CCNH: variants seen among roughly 807,000 people sequenced by gnomAD.
The protein encoded by CCNH is cyclin H, also known as cyclin-H.
A neutral mutation model predicts 41.9 loss-of-function variants in CCNH; 31 were observed. That is an observed-to-expected ratio of 0.74 (90% CI 0.56 to 1.00). The LOEUF (loss-of-function observed/expected upper bound fraction) is 1.00. CCNH is among the 50% of genes least tolerant of loss of function. CCNH has a pLI of 0.00. For synonymous variants in CCNH, 138 were observed against 136.1 expected, an observed-to-expected ratio of 1.01 and a Z score of -0.10; for missense variants, 362 against 388.4, an observed-to-expected ratio of 0.93 and a Z score of 0.57.
At chr5:87,376,965 C>T in exon 1 of CCNH, 1 of 1,612,328 alleles carries the variant, frequency 6.2e-7, no homozygotes. Flanking sequence ...CAGCATCCTA[C>T]TGAGGATTTT....
intron 9 of CCNH, among the ~76,000 whole-genome samples, chr5:87,346,087 A>G (rs749387572): frequency 6.6e-6 from 1 of 152,108 alleles, no homozygotes; most frequent in African/African-American, 2.4e-5. Context: ...AGAATACAGA[A>G]TATAAAATAC....
At position 87,319,490 on chromosome 5, in the gene CCNH, A is replaced by T. The variant is rs1300337484; in HGVS notation, c.*91-593T>A. On this transcript the variant is annotated intron_variant and NMD_transcript_variant, in intron 9 of 9. Coordinates refer to the CCNH transcript ENST00000645953. ...TTGCCTTTTGTGCACCCACAGACCC[A>T]ACACCATGTGGAATCCACCAAGGCT... 5.9e-5 allele frequency among the ~76,000 whole-genome samples: 9 copies of T among 152,028 alleles called. No individual in the cohort carries two copies. The East Asian group carries it at 1.5e-3, about 26-fold the overall frequency.
chr5:87,395,332 T>C (rs116240460), intron 7 of CCNH, among the ~76,000 whole-genome samples: 5 of 152,302 alleles, frequency 3.3e-5, no homozygotes, highest in Non-Finnish European at 5.9e-5. Flanking sequence ...TTTCATGGAA[T>C]TGTCAAATCT....
At chr5:87,409,925 C>T (rs1275227427) in intron 2 of CCNH, among the ~76,000 whole-genome samples, 2 of 152,122 alleles carry the variant, frequency 1.3e-5, no homozygotes, top group Admixed American at 1.3e-4. Flanking sequence ...CTGTGCTAAA[C>T]ACGAAACTAT....
At chr5:87,323,916 C>G (rs1439685500) in intron 9 of CCNH, among the ~76,000 whole-genome samples, 1 of 152,162 alleles carries the variant, frequency 6.6e-6, no homozygotes, top group Non-Finnish European at 1.5e-5. Context: ...CTCCTACTTA[C>G]TATACCAGAT....
chr5:87,383,809 T>A, intron 9 of CCNH: 1 of 1,565,592 alleles, frequency 6.4e-7, no homozygotes, highest in East Asian at 2.2e-5. Context: ...ATTTTGAAAT[T>A]CAAAATATTA....
downstream of CCNH, among the ~76,000 whole-genome samples, chr5:87,390,039 A>T (rs1399034234): frequency 6.6e-6 from 1 of 152,180 alleles, no homozygotes; most frequent in Non-Finnish European, 1.5e-5. Context: ...ATGCAAGTGA[A>T]CCATGGCCTA....
At chr5:87,328,152 T>G (rs564271574) in intron 9 of CCNH, among the ~76,000 whole-genome samples, 2 of 152,358 alleles carry the variant, frequency 1.3e-5, no homozygotes, top group East Asian at 3.9e-4. Context: ...TATTGCTATG[T>G]GCCAGGTATA....
At chr5:87,380,165 ACT>A (rs1410675705), upstream of CCNH, among the ~76,000 whole-genome samples, 6 of 152,010 alleles carry the variant, frequency 3.9e-5, no homozygotes, top group African/African-American at 1.4e-4. Flanking sequence ...TAGACTAATC[ACT>A]CTGTTAATAT....
chr5:87,321,061 A>G (rs1248179978), intron 9 of CCNH, among the ~76,000 whole-genome samples: 1 of 152,144 alleles, frequency 6.6e-6, no homozygotes. Flanking sequence ...CCTATTAGGG[A>G]GATAAATCTT....
intron 9 of CCNH, among the ~76,000 whole-genome samples, chr5:87,367,212 C>T (rs1164328354): frequency 2.6e-5 from 4 of 152,002 alleles, no homozygotes; most frequent in Admixed American, 2.0e-4. Flanking sequence ...GACATCTGTA[C>T]CATATAATAG....
intron 9 of CCNH, among the ~76,000 whole-genome samples, chr5:87,325,236 TG>T (rs1757144969): frequency 6.6e-6 from 1 of 152,128 alleles, no homozygotes; most frequent in Non-Finnish European, 1.5e-5. Context: ...AACAGCAGCA[TG>T]GGGGTAACTG....
chr5:87,380,846 T>A (rs1328998322), upstream of CCNH, among the ~76,000 whole-genome samples: 1 of 152,158 alleles, frequency 6.6e-6, no homozygotes, highest in Non-Finnish European at 1.5e-5. Context: ...CCTTACAAGA[T>A]GAGGCTAAAA....
At chr5:87,369,835 G>C in intron 9 of CCNH, 2 of 1,611,736 alleles carry the variant, frequency 1.2e-6, no homozygotes, top group Non-Finnish European at 1.7e-6. Flanking sequence ...TCAGATAGTA[G>C]TTCAGCACTT....
downstream of CCNH, chr5:87,374,142 T>C (rs1580380103): frequency 2.2e-6 from 3 of 1,395,150 alleles, no homozygotes; most frequent in East Asian, 2.7e-5. Context: ...AATATATATA[T>C]ATATATTTTT....
At chr5:87,376,797 T>A (rs1761357090) in exon 1 of CCNH, 3 of 1,391,868 alleles carry the variant, frequency 2.2e-6, no homozygotes, top group Admixed American at 1.8e-5. Flanking sequence ...TAAGAACTTG[T>A]GAAAGAACAT....
rs1204340475 is a variant in CCNH at position 87,376,941 on chromosome 5, C to T, written n.240G>A. 1.9e-6 allele frequency: 3 copies of T among 1,610,722 alleles called. No homozygotes were observed. Among genetic ancestry groups the T allele is most frequent in the Non-Finnish European group, 1.7e-6 (2 of 1,177,098 alleles). ...TTTATCACATGTATGTGGACAAGAC[C>T]GAACACTACTGGCCAGCATCCTACT... On this transcript the variant is annotated non_coding_transcript_exon_variant, in exon 1 of 1. Transcript: ENST00000607486.
chr5:87,353,850 G>A (rs180853050), intron 9 of CCNH, among the ~76,000 whole-genome samples: 1 of 152,214 alleles, frequency 6.6e-6, no homozygotes, highest in East Asian at 1.9e-4. Context: ...GTTGCTTAAC[G>A]CTTAGGGTGA....
intron 3 of CCNH, 117 bp from the exon 4 acceptor site, chr5:87,408,303 A>T: frequency 1.9e-6 from 1 of 527,406 alleles, no homozygotes; most frequent in Non-Finnish European, 3.2e-6. Context: ...TAATTGCCTA[A>T]TATTCAAAAG....
Sources: allele counts gnomAD v4.1 joint callset (sites outside exome capture counted in the v4.1 genomes callset), GRCh38; gene constraint gnomAD v4.1.1; transcripts MANE v1.5; gene names NCBI Gene and HGNC (gene_info 2026-07-23, HGNC 2026-07-21).